The following SLC14A2 variants were observed in gnomAD, a reference collection of about 807,000 sequenced individuals.
SLC14A2 encodes the protein urea transporter 2.
Under a neutral mutation model 104.6 loss-of-function variants are expected in SLC14A2, and 91 were observed. That is an observed-to-expected ratio of 0.87 (90% CI 0.73 to 1.04). SLC14A2 has a LOEUF of 1.04. Ranked by LOEUF, SLC14A2 falls within the 50% of genes least tolerant of loss-of-function variation. SLC14A2 has a pLI of 0.00. For synonymous variants in SLC14A2, 476 were observed against 466.4 expected, an observed-to-expected ratio of 1.02 and a Z score of -0.27; for missense variants, 1,189 against 1,156.0, an observed-to-expected ratio of 1.03 and a Z score of -0.41.
At chr18:45,648,300 G>T (rs7231983) in intron 10 of SLC14A2, among the ~76,000 whole-genome samples, 80,312 of 149,886 alleles carry the variant, frequency 0.54, 22,002 homozygotes, top group African/African-American at 0.67. Flanking sequence ...CCGCCTCCCG[G>T]GTTCACGCCA....
At chr18:45,288,803 C>T (rs1259198243) in intron 1 of SLC14A2, among the ~76,000 whole-genome samples, 1 of 152,222 alleles carries the variant, frequency 6.6e-6, no homozygotes, top group Admixed American at 6.5e-5. Flanking sequence ...CAGTCCCCGC[C>T]TGCCTCCCTG....
chr18:45,537,048 TCCC>T (rs2043801647), intron 2 of SLC14A2, among the ~76,000 whole-genome samples: 28 of 30,866 alleles, frequency 9.1e-4, no homozygotes, highest in Non-Finnish European at 1.5e-3. Context: ...CCTCCCTCCC[TCCC>T]TCCCTCCCTC....
intron 2 of SLC14A2, among the ~76,000 whole-genome samples, chr18:45,597,060 C>T (rs1452832556): frequency 6.6e-6 from 1 of 152,218 alleles, no homozygotes; most frequent in Non-Finnish European, 1.5e-5. Flanking sequence ...GGCACGGTGG[C>T]TCATGCCAGC....
intron 1 of SLC14A2, among the ~76,000 whole-genome samples, chr18:45,465,160 G>C (rs4890543): frequency 0.3 from 45,463 of 152,094 alleles, 7,142 homozygotes; most frequent in Admixed American, 0.44. Context: ...GGGTCAGAGA[G>C]AGAGAGAAAT....
chr18:45,666,809 T>G, intron 12 of SLC14A2, 126 bp from the exon 13 acceptor site: 1 of 758,758 alleles, frequency 1.3e-6, no homozygotes, highest in South Asian at 1.9e-5. Flanking sequence ...AACAGGGAGG[T>G]TAAACAGCAA....
intron 1 of SLC14A2, among the ~76,000 whole-genome samples, chr18:45,480,156 T>A (rs2087464529): frequency 6.6e-6 from 1 of 152,142 alleles, no homozygotes; most frequent in Non-Finnish European, 1.5e-5. Context: ...CATGAAGATA[T>A]AATAGGTTTT....
intron 1 of SLC14A2, among the ~76,000 whole-genome samples, chr18:45,357,267 A>T (rs1360641889): frequency 2.1e-4 from 28 of 131,778 alleles, no homozygotes; most frequent in Non-Finnish European, 3.6e-4. Flanking sequence ...TGCTATTAAT[A>T]CTATCAGGGC....
intron 2 of SLC14A2, among the ~76,000 whole-genome samples, chr18:45,590,277 C>T (rs1599037889): frequency 6.6e-6 from 1 of 152,108 alleles, no homozygotes; most frequent in African/African-American, 2.4e-5. Flanking sequence ...AGCTTCACTG[C>T]GGGTGCTGGC....
At chr18:45,566,997 A>G (rs1280846689) in intron 2 of SLC14A2, among the ~76,000 whole-genome samples, 1 of 152,168 alleles carries the variant, frequency 6.6e-6, no homozygotes, top group Admixed American at 6.5e-5. Flanking sequence ...ACTTCAGGAC[A>G]TATAGACACA....
intron 1 of SLC14A2, among the ~76,000 whole-genome samples, chr18:45,480,787 G>A (rs2087477405): frequency 6.6e-6 from 1 of 152,182 alleles, no homozygotes; most frequent in African/African-American, 2.4e-5. Context: ...CCTGTCCAGA[G>A]AAACATTTGT....
chr18:45,665,230 A>T (rs1043227293), intron 11 of SLC14A2, among the ~76,000 whole-genome samples: 4 of 152,142 alleles, frequency 2.6e-5, no homozygotes, highest in African/African-American at 9.7e-5. Context: ...GAACGGGGGA[A>T]CAGGCAATTC....
At chr18:45,314,250 G>A (rs1454268227) in intron 1 of SLC14A2, among the ~76,000 whole-genome samples, 1 of 152,164 alleles carries the variant, frequency 6.6e-6, no homozygotes, top group Non-Finnish European at 1.5e-5. Context: ...TTAAAGCATA[G>A]GGTAGAGCAA....
intron 1 of SLC14A2, among the ~76,000 whole-genome samples, chr18:45,448,166 G>A (rs1362835): frequency 0.042 from 6,325 of 152,226 alleles, 214 homozygotes; most frequent in Admixed American, 0.091. Context: ...TATTTTTGTT[G>A]ATTTGTATAT....
At chr18:45,251,998 A>G (rs988666422) in intron 1 of SLC14A2, among the ~76,000 whole-genome samples, 2 of 152,194 alleles carry the variant, frequency 1.3e-5, no homozygotes, top group Non-Finnish European at 2.9e-5. Context: ...TGGAGGAAAC[A>G]CATCCCTCGA....
At chr18:45,195,345 G>A in the SLC14A2 span, among the ~76,000 whole-genome samples, 1 of 152,202 alleles carries the variant, frequency 6.6e-6, no homozygotes, top group African/African-American at 2.4e-5. Context: ...TTACCAGTTA[G>A]AAGATTGCTA....
intron 1 of SLC14A2, among the ~76,000 whole-genome samples, chr18:45,401,774 A>G (rs932450183): frequency 6.6e-6 from 1 of 152,216 alleles, no homozygotes; most frequent in Non-Finnish European, 1.5e-5. Flanking sequence ...TGGTGGCAGT[A>G]ACGTAATGGT....
chr18:45,172,089 G>A, the SLC14A2 span, among the ~76,000 whole-genome samples: 1 of 152,108 alleles, frequency 6.6e-6, no homozygotes, highest in Non-Finnish European at 1.5e-5. Flanking sequence ...GGCCTGGGCT[G>A]AGCATGCAAA....
chr18:45,661,576 T>A (rs1437555227), intron 10 of SLC14A2, among the ~76,000 whole-genome samples: 1 of 152,182 alleles, frequency 6.6e-6, no homozygotes, highest in African/African-American at 2.4e-5. Context: ...TTTCTCTGAA[T>A]GGGGAAGGTG....
intron 2 of SLC14A2, among the ~76,000 whole-genome samples, chr18:45,486,281 G>A (rs772919542): frequency 1.3e-5 from 2 of 152,054 alleles, no homozygotes; most frequent in Non-Finnish European, 2.9e-5. Flanking sequence ...TTTCACAACA[G>A]CTGTGTCTTG....
Sources: allele counts gnomAD v4.1 joint callset (sites outside exome capture counted in the v4.1 genomes callset), GRCh38; gene constraint gnomAD v4.1.1; transcripts MANE v1.5; gene names NCBI Gene and HGNC (gene_info 2026-07-23, HGNC 2026-07-21).